CCDC6: variants seen among roughly 807,000 people sequenced by gnomAD.
CCDC6 encodes the protein coiled-coil domain-containing protein 6.
In CCDC6, 20 loss-of-function variants were observed where a neutral mutation model predicts 56.6. That is an observed-to-expected ratio of 0.35 (90% CI 0.25 to 0.51). The LOEUF (loss-of-function observed/expected upper bound fraction) is 0.51, where lower values mean the gene tolerates loss of function less well. CCDC6 is among the 20% of genes least tolerant of loss of function. CCDC6 has a pLI of 0.95. For missense variants in CCDC6, 367 were observed against 601.1 expected (o/e 0.61, Z 4.07); for synonymous variants, 241 against 234.4 (o/e 1.03, Z -0.26).
intron 3 of CCDC6, among the ~76,000 whole-genome samples, chr10:59,815,734 T>C (rs1293824227): frequency 6.6e-6 from 1 of 152,216 alleles, no homozygotes; most frequent in Non-Finnish European, 1.5e-5. Flanking sequence ...TTCCATGTTA[T>C]TTCTTCAACC....
At chr10:59,864,360 T>C (rs1464615787) in intron 1 of CCDC6, among the ~76,000 whole-genome samples, 2 of 152,168 alleles carry the variant, frequency 1.3e-5, no homozygotes, top group Non-Finnish European at 2.9e-5. Context: ...CAATCCTTTC[T>C]CGAAAATAAA....
intron 3 of CCDC6, among the ~76,000 whole-genome samples, chr10:59,820,254 C>T (rs1042471811): frequency 2.0e-5 from 3 of 152,000 alleles, no homozygotes; most frequent in Non-Finnish European, 2.9e-5. Flanking sequence ...GAGTAAGGAA[C>T]GTTTGGCAAA....
At chr10:59,883,738 T>A (rs1175920058) in intron 1 of CCDC6, among the ~76,000 whole-genome samples, 2 of 152,234 alleles carry the variant, frequency 1.3e-5, no homozygotes, top group African/African-American at 2.4e-5. Flanking sequence ...CACTTTCCTC[T>A]AAAACTCCCT....
At chr10:59,850,057 G>A (rs1311358776) in intron 2 of CCDC6, among the ~76,000 whole-genome samples, 1 of 152,146 alleles carries the variant, frequency 6.6e-6, no homozygotes, top group Non-Finnish European at 1.5e-5. Flanking sequence ...TCAAAAAATA[G>A]ACATGTTGTG....
chr10:59,843,557 G>T (rs764909277), intron 2 of CCDC6, among the ~76,000 whole-genome samples: 1 of 152,174 alleles, frequency 6.6e-6, no homozygotes, highest in Non-Finnish European at 1.5e-5. Context: ...AATATTTGAA[G>T]AATCTGCGAA....
intron 2 of CCDC6, among the ~76,000 whole-genome samples, chr10:59,837,951 T>C (rs1255342301): frequency 1.3e-5 from 2 of 151,940 alleles, no homozygotes; most frequent in East Asian, 1.9e-4. Flanking sequence ...CATTAGACTG[T>C]CAAAAGCAAT....
At chr10:59,869,429 G>A (rs12262225) in intron 1 of CCDC6, among the ~76,000 whole-genome samples, 4,080 of 97,196 alleles carry the variant, frequency 0.042, 1 homozygote, top group Middle Eastern at 0.095. Context: ...ACAGAAAAAA[G>A]AAAAAAAAAA....
intron 3 of CCDC6, among the ~76,000 whole-genome samples, chr10:59,825,924 C>A (rs897462251): frequency 1.3e-5 from 2 of 152,156 alleles, no homozygotes; most frequent in Admixed American, 1.3e-4. Context: ...GATTCAAATT[C>A]ATTATTCTAA....
At chr10:59,811,669 T>C (rs2132631097) in intron 5 of CCDC6, among the ~76,000 whole-genome samples, 1 of 152,290 alleles carries the variant, frequency 6.6e-6, no homozygotes, top group East Asian at 1.9e-4. Flanking sequence ...TATACCAATA[T>C]GTGTGCATAC....
At chr10:59,861,242 C>T (rs1213956563) in intron 1 of CCDC6, among the ~76,000 whole-genome samples, 1 of 151,416 alleles carries the variant, frequency 6.6e-6, no homozygotes, top group Non-Finnish European at 1.5e-5. Flanking sequence ...GCTTGTAGTC[C>T]ACTTACTCAG....
chr10:59,862,235 C>G (rs991355813), intron 1 of CCDC6, among the ~76,000 whole-genome samples: 15 of 151,840 alleles, frequency 9.9e-5, no homozygotes, highest in Admixed American at 7.9e-4. Context: ...CCCTATAAAC[C>G]CAGCACTGTG....
chr10:59,850,524 C>T (rs1261662874), intron 2 of CCDC6, among the ~76,000 whole-genome samples: 2 of 152,170 alleles, frequency 1.3e-5, no homozygotes, highest in Non-Finnish European at 2.9e-5. Flanking sequence ...CTTCATACTA[C>T]GCCCTTTCTT....
In CCDC6 at chr10:59,862,556, CATAT is replaced by C. The variant is rs55913492; in HGVS notation, c.304-9858_304-9855del. ...ACACACACACACACACACACACACA[CATAT>C]ATATACACATACACACACACACACA... On this transcript the variant is annotated intron_variant, in intron 1 of 8. Coordinates refer to ENST00000263102, the MANE Select transcript of CCDC6 (RefSeq NM_005436.5). Among the ~76,000 whole-genome samples, 235 of 105,524 alleles carry C rather than the reference CATAT, an allele frequency of 2.2e-3. 5 individuals are homozygous for C. The highest frequency in any genetic ancestry group is 9.6e-3 in the African/African-American group (200 of 20,920). 69.2% of individuals were successfully genotyped at this position (105,524 alleles called of 152,430 possible).
intron 1 of CCDC6, among the ~76,000 whole-genome samples, chr10:59,864,971 G>A (rs929823869): frequency 2.0e-4 from 31 of 152,278 alleles, no homozygotes; most frequent in African/African-American, 5.3e-4. Context: ...TCACATCAAC[G>A]ATTAACTTAA....
At chr10:59,858,322 G>A (rs1462632833) in intron 1 of CCDC6, among the ~76,000 whole-genome samples, 1 of 152,150 alleles carries the variant, frequency 6.6e-6, no homozygotes, top group Non-Finnish European at 1.5e-5. Context: ...GCAACTAATA[G>A]TTGATAACTG....
chr10:59,809,430 A>G (rs2070654415), intron 5 of CCDC6, among the ~76,000 whole-genome samples: 1 of 152,212 alleles, frequency 6.6e-6, no homozygotes, highest in Non-Finnish European at 1.5e-5. Context: ...GGCTGGGAAG[A>G]CTTCCTGGCA....
At chr10:59,861,114 G>A (rs573832459) in intron 1 of CCDC6, among the ~76,000 whole-genome samples, 7 of 152,226 alleles carry the variant, frequency 4.6e-5, no homozygotes, top group East Asian at 1.9e-4. Flanking sequence ...GGGAAGTAGA[G>A]GTTGTAGTGA....
At chr10:59,898,493 C>T (rs923575630) in intron 1 of CCDC6, among the ~76,000 whole-genome samples, 6 of 152,292 alleles carry the variant, frequency 3.9e-5, no homozygotes, top group Non-Finnish European at 7.4e-5. Context: ...CCCTGGGAAC[C>T]CCTACAGGAG....
chr10:59,832,999 A>G (rs2070846747), intron 2 of CCDC6, among the ~76,000 whole-genome samples: 1 of 152,268 alleles, frequency 6.6e-6, no homozygotes, highest in Non-Finnish European at 1.5e-5. Context: ...TCATGTATGT[A>G]GACAGAGATG....
Sources: allele counts gnomAD v4.1 joint callset (sites outside exome capture counted in the v4.1 genomes callset), GRCh38; gene constraint gnomAD v4.1.1; transcripts MANE v1.5; gene names NCBI Gene and HGNC (gene_info 2026-07-23, HGNC 2026-07-21).